The following UBR4 variants were observed in gnomAD, a reference collection of about 807,000 sequenced individuals.
UBR4 encodes E3 ubiquitin-protein ligase UBR4.
In UBR4, 124 loss-of-function variants were observed where a neutral mutation model predicts 575.6. That is an observed-to-expected ratio of 0.22 (90% CI 0.19 to 0.25). The LOEUF (loss-of-function observed/expected upper bound fraction) is 0.25. UBR4 is among the 10% of genes least tolerant of loss of function. UBR4 has a pLI of 1.00. For synonymous variants in UBR4, 2,455 were observed against 2,473.7 expected (o/e 0.99, Z 0.22); for missense variants, 4,818 against 6,478.8 (o/e 0.74, Z 8.80).
Position 19,110,042 on chromosome 1 carries a change from T to C in UBR4, c.12105+54A>G. On this transcript the variant is annotated intron_variant, in intron 81 of 105. Transcript: ENST00000375254. The surrounding 1 kb of genome is among the most constrained non-coding windows in gnomAD (Gnocchi z 4.5). ...GGAGGCAGGGCACACTGCCAGGGAA[T>C]GAGGAGGGTGGCCGCCCTGCCCTTC... is the stretch of plus-strand genomic sequence containing the variant. The C allele has an allele frequency of 6.2e-7, 1 of 1,609,682 alleles. No individual in the cohort carries two copies. Among genetic ancestry groups the C allele is most frequent in the Non-Finnish European group, 8.5e-7 (1 of 1,178,236 alleles).
At position 19,153,753 on chromosome 1, in the gene UBR4, A is replaced by G; in HGVS notation, c.6630+15T>C. ...GTTCACAGCAAAGTAATGAATGGGAAAATCTGGCACTGACCTTCGCTTTAG... is the reference window on the plus strand; with the variant it reads ...GTTCACAGCAAAGTAATGAATGGGAGAATCTGGCACTGACCTTCGCTTTAG... On this transcript the variant is annotated intron_variant, in intron 45 of 105. Transcript: ENST00000375254. The surrounding 1 kb of genome is among the most constrained non-coding windows in gnomAD (Gnocchi z 4.1). 1.9e-6 allele frequency: 3 copies of G among 1,609,394 alleles called. No individual in the cohort carries two copies. The highest frequency in any genetic ancestry group is 2.5e-6 in the Non-Finnish European group (3 of 1,177,870).
In UBR4 at chr1:19,197,739, T is replaced by A; in HGVS notation, c.824A>T (p.Asp275Val). 3 of 1,614,204 alleles carry A rather than the reference T, an allele frequency of 1.9e-6. No homozygotes were observed. Among genetic ancestry groups the A allele is most frequent in the Non-Finnish European group, 2.5e-6 (3 of 1,180,040 alleles). ...GAAGAAGGAATTAGCTAAAACTGCATCTTGGAACCGATTGATATAGCGTAG... is the reference window on the plus strand; with the variant it reads ...GAAGAAGGAATTAGCTAAAACTGCAACTTGGAACCGATTGATATAGCGTAG... ...YFLRYINRFQ[D>V]AVLANSFFIM... The change falls in exon 7 of 106, where the codon GAT becomes GTT. Residue 275 changes from aspartate to valine, a missense_variant. Transcript: ENST00000375254.
At chr1:19,188,192 C>T (rs2091738262) in intron 11 of UBR4, among the ~76,000 whole-genome samples, 1 of 152,036 alleles carries the variant, frequency 6.6e-6, no homozygotes, top group African/African-American at 2.4e-5. Context: ...TTTAAAGAAT[C>T]ATTATTTTGA....
chr1:19,183,675 C>G, intron 17 of UBR4, 136 bp downstream of exon 17: 1 of 829,316 alleles, frequency 1.2e-6, no homozygotes, highest in Non-Finnish European at 1.9e-6. Flanking sequence ...TGAGCCAAGA[C>G]CGTGTCACTG....
intron 42 of UBR4, 81 bp from the exon 43 acceptor site, chr1:19,155,749 G>A (rs564110130): frequency 1.7e-5 from 21 of 1,210,162 alleles, no homozygotes; most frequent in South Asian, 1.3e-4. Flanking sequence ...CCAAATAGCC[G>A]GAACTGACCA....
At chr1:19,098,098 T>C (rs780226328) in intron 90 of UBR4, among the ~76,000 whole-genome samples, 4 of 152,222 alleles carry the variant, frequency 2.6e-5, no homozygotes, top group Non-Finnish European at 5.9e-5. Flanking sequence ...AGCACGCTAA[T>C]TCAAGCAGCC....
At chr1:19,170,737 C>G in intron 26 of UBR4, 25 bp downstream of exon 26, 1 of 1,614,114 alleles carries the variant, frequency 6.2e-7, no homozygotes, top group Non-Finnish European at 8.5e-7. Flanking sequence ...AATAATATTA[C>G]TCAAAAGCAC....
At chr1:19,155,823 T>C (rs144186016) in intron 42 of UBR4, among the ~76,000 whole-genome samples, 155 bp from the exon 43 acceptor site, 7 of 152,336 alleles carry the variant, frequency 4.6e-5, no homozygotes, top group African/African-American at 1.7e-4. Context: ...CTTATAAAGA[T>C]GAACAGAACA....
intron 33 of UBR4, 48 bp from the exon 34 acceptor site, chr1:19,163,875 G>C: frequency 1.9e-6 from 3 of 1,597,258 alleles, no homozygotes; most frequent in Non-Finnish European, 2.6e-6. Flanking sequence ...CAAAATCATC[G>C]AAGAAACCAA....
In UBR4 at chr1:19,144,085, C is replaced by G; in HGVS notation, c.8074G>C (p.Ala2692Pro). The stretch of plus-strand genomic sequence containing the variant: ...GCTTGTTTACAAGAGAAGCTCACAG[C>G]AGGATCCTGAGGTTTAAAAGGAAAC... ...YMQMLLCPDP[A>P]VSFSCKQALI... The change falls in exon 55 of 106, where the codon GCT (alanine) becomes CCT (proline). Residue 2692 changes from alanine to proline, a missense_variant. Ala to Pro is a conservative substitution (Grantham distance 27). Transcript: ENST00000375254. 6.2e-7 allele frequency: 1 copy of G among 1,613,810 alleles called. No homozygotes were observed. Among genetic ancestry groups the G allele is most frequent in the East Asian group, 2.2e-5 (1 of 44,876 alleles).
In UBR4 at chr1:19,153,381, T is replaced by C. The variant is rs2086004165; in HGVS notation, c.6752A>G (p.Tyr2251Cys). Residue 2251 changes from tyrosine to cysteine, a missense_variant, in exon 46 of 106, where the codon TAC becomes TGC. This residue lies in a region of UBR4 where 461 missense variants were observed against 606.9 expected (regional missense o/e 0.76). Coordinates refer to ENST00000375254, the MANE Select transcript of UBR4 (RefSeq NM_020765.3). This position sits in a 1 kb window ranked among gnomAD's most constrained non-coding sequence, Gnocchi z 4.1. ...GGGCTGCAGGGATGGCTGCAGCCAGTAGGAGGTGTTCTCCACGTTGGCCAT... is the reference window on the plus strand; with the variant it reads ...GGGCTGCAGGGATGGCTGCAGCCAGCAGGAGGTGTTCTCCACGTTGGCCAT... The part of the protein sequence containing the change: ...IYMANVENTS[Y>C]WLQPSLQPSS... The C allele has an allele frequency of 6.2e-7, 1 of 1,614,176 alleles. No individual in the cohort carries two copies. The highest frequency in any genetic ancestry group is 8.5e-7 in the Non-Finnish European group (1 of 1,180,016).
Position 19,087,815 on chromosome 1 carries a change from C to T in UBR4, c.14544+1G>A. 1 of 1,608,292 alleles carries T rather than the reference C, an allele frequency of 6.2e-7. No individual in the cohort carries two copies. The highest frequency in any genetic ancestry group is 8.5e-7 in the Non-Finnish European group (1 of 1,176,952). On this transcript the variant is annotated splice_donor_variant, in intron 99 of 105. Coordinates refer to ENST00000375254, the MANE Select transcript of UBR4 (RefSeq NM_020765.3). LOFTEE classifies it high-confidence loss of function. ...ACCGACCGTAGGCCCAGCAGCTGTA[C>T]CTGGAACTTGTATCCCTCCCTGCAG... is the stretch of plus-strand genomic sequence containing the variant.
chr1:19,144,756 C>T (rs753497307), intron 54 of UBR4, 30 bp downstream of exon 54: 104 of 1,584,390 alleles, frequency 6.6e-5, no homozygotes, highest in Middle Eastern at 1.7e-4. Context: ...CTGGCTGCTG[C>T]GAGCTCTCTG....
At chr1:19,148,493 G>A (rs2150189806) in intron 50 of UBR4, 70 bp downstream of exon 50, 3 of 1,581,090 alleles carry the variant, frequency 1.9e-6, no homozygotes, top group Non-Finnish European at 2.6e-6. Context: ...GAGGCCTCAG[G>A]GCCTCGGGCA....
At chr1:19,196,436 T>C (rs1008008832) in intron 8 of UBR4, among the ~76,000 whole-genome samples, 8 of 152,286 alleles carry the variant, frequency 5.3e-5, no homozygotes, top group Middle Eastern at 3.4e-3. Flanking sequence ...AGTAAACTTC[T>C]GAAATTGCTA....
At chr1:19,123,929 C>T (rs1251336141) in intron 65 of UBR4, among the ~76,000 whole-genome samples, 1 of 152,224 alleles carries the variant, frequency 6.6e-6, no homozygotes, top group Non-Finnish European at 1.5e-5. Context: ...TGCACTACTT[C>T]TTTGCCAGCT....
intron 25 of UBR4, 140 bp from the exon 26 acceptor site, chr1:19,171,023 G>C: frequency 8.5e-7 from 1 of 1,182,674 alleles, no homozygotes; most frequent in East Asian, 2.5e-5. Context: ...GCCCCTTCCT[G>C]GTCTCTAAGA....
At chr1:19,075,265 C>A (rs571285986) in intron 105 of UBR4, 17 of 299,706 alleles carry the variant, frequency 5.7e-5, no homozygotes, top group African/African-American at 3.7e-4. Context: ...CTCTCCCTGG[C>A]TGCAGGCCAG....
Position 19,178,934 on chromosome 1 carries a change from C to T in UBR4, c.2354+117G>A, listed in dbSNP as rs1288935952. 1.9e-5 allele frequency: 24 copies of T among 1,278,710 alleles called. No homozygotes were observed. The East Asian group carries it at 5.4e-4, about 29-fold the overall frequency. The allele number at this position is 1,278,710 out of a possible 1,614,324, so 79.2% of individuals were successfully genotyped here. ...AAGTCCATCCCTCTTCTACCCTCCC[C>T]ACTCTAAACATTATCATTACAGCAA... On this transcript the variant is annotated intron_variant, in intron 18 of 105. Transcript: ENST00000375254.
Sources: allele counts gnomAD v4.1 joint callset (sites outside exome capture counted in the v4.1 genomes callset), GRCh38; gene constraint gnomAD v4.1.1; regional missense constraint gnomAD v4.1.1; non-coding constraint Gnocchi (gnomAD v3.1); transcripts MANE v1.5; gene names NCBI Gene and HGNC (gene_info 2026-07-23, HGNC 2026-07-21).